Variants in PACRG observed in about 807,000 individuals in gnomAD.
The protein encoded by PACRG is parkin coregulated.
PACRG carries 29 observed loss-of-function variants against 29.7 expected under a neutral mutation model. That is an observed-to-expected ratio of 0.98 (90% confidence interval 0.73 to 1.33). The LOEUF (loss-of-function observed/expected upper bound fraction) is 1.33. PACRG is among the 40% of genes most tolerant of loss of function. The pLI is 0.00. For synonymous variants in PACRG, 116 were observed against 118.7 expected (o/e 0.98, Z 0.15); for missense variants, 279 against 316.2 (o/e 0.88, Z 0.89).
intron 4 of PACRG, chr6:163,100,904 A>G (rs984549464): frequency 2.0e-6 from 2 of 984,654 alleles, no homozygotes; most frequent in African/African-American, 3.5e-5. Flanking sequence ...ATTCTCATGT[A>G]CATCTTGAAT....
chr6:163,191,578 A>G (rs566661901), intron 4 of PACRG: 24 of 451,452 alleles, frequency 5.3e-5, no homozygotes, highest in African/African-American at 4.8e-4. Flanking sequence ...TCTTGAGTGT[A>G]TCGTTGAGCT....
chr6:163,092,664 A>G (rs1214158505), intron 4 of PACRG, among the ~76,000 whole-genome samples: 1 of 152,206 alleles, frequency 6.6e-6, no homozygotes, highest in African/African-American at 2.4e-5. Context: ...CTGTCTACAC[A>G]AGATATGCAT....
intron 2 of PACRG, among the ~76,000 whole-genome samples, chr6:162,992,960 C>T (rs1358281352): frequency 3.3e-5 from 5 of 151,602 alleles, no homozygotes; most frequent in African/African-American, 9.7e-5. Flanking sequence ...TCGTTGGTTT[C>T]AAAGAACATC....
chr6:163,250,222 C>T (rs145269091), intron 4 of PACRG, among the ~76,000 whole-genome samples: 21 of 152,296 alleles, frequency 1.4e-4, no homozygotes, highest in African/African-American at 4.3e-4. Context: ...CTCTTAATGG[C>T]GCCACCAAAA....
chr6:162,788,190 C>T (rs1437958662), intron 1 of PACRG, among the ~76,000 whole-genome samples: 1 of 152,126 alleles, frequency 6.6e-6, no homozygotes, highest in East Asian at 1.9e-4. Context: ...TCTGAATCCC[C>T]AGCAACCACT....
intron 4 of PACRG, among the ~76,000 whole-genome samples, chr6:163,177,227 T>C (rs1779404879): frequency 6.6e-6 from 1 of 152,168 alleles, no homozygotes; most frequent in Non-Finnish European, 1.5e-5. Flanking sequence ...CAGAGATATT[T>C]GGGAGTGTCC....
chr6:162,944,892 CA>C (rs940323572), intron 2 of PACRG, among the ~76,000 whole-genome samples: 33 of 151,302 alleles, frequency 2.2e-4, no homozygotes, highest in African/African-American at 8.0e-4. Context: ...AAAAAACAAA[CA>C]AAAAAAGGGA....
At chr6:162,904,275 A>G (rs2128063338) in intron 2 of PACRG, among the ~76,000 whole-genome samples, 1 of 152,372 alleles carries the variant, frequency 6.6e-6, no homozygotes, top group East Asian at 1.9e-4. Flanking sequence ...CAGCTGGGCA[A>G]CATGGCGCAG....
intron 2 of PACRG, among the ~76,000 whole-genome samples, chr6:162,932,758 C>G (rs9347704): frequency 0.69 from 104,333 of 151,654 alleles, 36,119 homozygotes; most frequent in East Asian, 0.79. Flanking sequence ...ACTTATTTGG[C>G]TCTTCTCTCT....
At chr6:163,008,790 C>G (rs1243422206) in intron 2 of PACRG, among the ~76,000 whole-genome samples, 1 of 151,710 alleles carries the variant, frequency 6.6e-6, no homozygotes, top group Non-Finnish European at 1.5e-5. Context: ...AGCTTCTAAT[C>G]TACTAAACAG....
chr6:162,823,274 T>C (rs923126332), intron 2 of PACRG, among the ~76,000 whole-genome samples: 1 of 152,198 alleles, frequency 6.6e-6, no homozygotes, highest in Admixed American at 6.5e-5. Context: ...CTTTTGTGTA[T>C]TCTTCCATTA....
At chr6:162,901,946 A>G (rs1397372001) in intron 2 of PACRG, among the ~76,000 whole-genome samples, 1 of 152,216 alleles carries the variant, frequency 6.6e-6, no homozygotes, top group Non-Finnish European at 1.5e-5. Flanking sequence ...TATTGGATAT[A>G]TTGGCTGTGT....
intron 2 of PACRG, among the ~76,000 whole-genome samples, chr6:162,895,827 G>A (rs1795124543): frequency 2.0e-5 from 3 of 152,182 alleles, no homozygotes; most frequent in Admixed American, 2.0e-4. Flanking sequence ...TACACTGCTG[G>A]TGTTCTGGTC....
chr6:162,918,100 A>G (rs1191737242), intron 2 of PACRG, among the ~76,000 whole-genome samples: 2 of 152,216 alleles, frequency 1.3e-5, no homozygotes, highest in South Asian at 2.1e-4. Flanking sequence ...GTTCAAGATA[A>G]TAATATTCAA....
At chr6:163,274,565 T>A (rs1215762684) in intron 4 of PACRG, among the ~76,000 whole-genome samples, 2 of 152,276 alleles carry the variant, frequency 1.3e-5, no homozygotes, top group African/African-American at 4.8e-5. Flanking sequence ...GATGGCTGGG[T>A]CAAATGGTAT....
At chr6:163,144,858 G>A (rs1777732457) in intron 4 of PACRG, among the ~76,000 whole-genome samples, 1 of 152,184 alleles carries the variant, frequency 6.6e-6, no homozygotes, top group African/African-American at 2.4e-5. Flanking sequence ...ATCAGGTACA[G>A]ATGTAAAGTC....
chr6:163,057,187 C>T (rs1223117013), intron 2 of PACRG, among the ~76,000 whole-genome samples: 1 of 152,170 alleles, frequency 6.6e-6, no homozygotes, highest in Non-Finnish European at 1.5e-5. Context: ...CCTCTTTAGA[C>T]TTGCAGACAG....
chr6:163,078,344 G>C (rs1812738292), intron 3 of PACRG, among the ~76,000 whole-genome samples: 2 of 151,868 alleles, frequency 1.3e-5, no homozygotes. Context: ...CTACTAAAAG[G>C]ATACAAAAAT....
chr6:163,222,512 G>A (rs769060505), intron 4 of PACRG, among the ~76,000 whole-genome samples: 28 of 152,142 alleles, frequency 1.8e-4, no homozygotes, highest in East Asian at 1.9e-4. Context: ...CCTGGAAGGC[G>A]GAGGTTGCGG....
Sources: allele counts gnomAD v4.1 joint callset (sites outside exome capture counted in the v4.1 genomes callset), GRCh38; gene constraint gnomAD v4.1.1; transcripts MANE v1.5; gene names NCBI Gene and HGNC (gene_info 2026-07-23, HGNC 2026-07-21).